The following MALRD1 variants were observed in gnomAD, a reference collection of about 807,000 sequenced individuals.
MALRD1 encodes MAM and LDL-receptor class A domain-containing protein 1.
In MALRD1, 247 loss-of-function variants were observed where a neutral mutation model predicts 242.1. The ratio of observed to expected loss-of-function variants is 1.02; its 90% CI spans 0.92 to 1.13. The LOEUF is 1.13. Among genes scored for constraint, MALRD1 ranks in the 50% most tolerant of loss-of-function variants. The probability of loss-of-function intolerance (pLI) is 0.00; values close to 1 mark genes in which losing one functional copy is unlikely to be tolerated. For synonymous variants in MALRD1, 995 were observed against 866.6 expected (o/e 1.15, Z -2.60); for missense variants, 2,989 against 2,533.1 (o/e 1.18, Z -3.86).
intron 2 of MALRD1, among the ~76,000 whole-genome samples, chr10:19,069,851 T>C (rs1033255807): frequency 6.6e-6 from 1 of 152,074 alleles, no homozygotes; most frequent in Non-Finnish European, 1.5e-5. Flanking sequence ...AATTTTATCG[T>C]ACTTATGTTA....
intron 32 of MALRD1, among the ~76,000 whole-genome samples, chr10:19,536,627 T>C (rs1834687266): frequency 6.6e-6 from 1 of 152,094 alleles, no homozygotes; most frequent in Admixed American, 6.6e-5. Context: ...ATTTGTCTGA[T>C]ATAAGTGTGC....
chr10:19,616,171 A>T (rs569671561), intron 36 of MALRD1, among the ~76,000 whole-genome samples: 186 of 152,084 alleles, frequency 1.2e-3, no homozygotes, highest in African/African-American at 4.3e-3. Flanking sequence ...ATATAATTTT[A>T]ATAATACTCA....
chr10:19,718,776 G>T (rs1219054875), intron 38 of MALRD1, among the ~76,000 whole-genome samples: 3 of 152,044 alleles, frequency 2.0e-5, no homozygotes, highest in Non-Finnish European at 4.4e-5. Context: ...TTTCTAATTT[G>T]TGATGAACCT....
chr10:19,441,384 T>C (rs3001936), intron 28 of MALRD1, among the ~76,000 whole-genome samples: 118,249 of 152,156 alleles, frequency 0.78, 46,642 homozygotes, highest in African/African-American at 0.92. Context: ...GTTGCCATTG[T>C]TTTTGGTGTT....
chr10:19,341,904 AC>A (rs1041761732), intron 24 of MALRD1, among the ~76,000 whole-genome samples: 4 of 151,816 alleles, frequency 2.6e-5, no homozygotes, highest in African/African-American at 9.6e-5. Context: ...TTCACCACCC[AC>A]TTTATCCCTC....
intron 21 of MALRD1, among the ~76,000 whole-genome samples, chr10:19,284,466 T>C (rs990286505): frequency 6.9e-6 from 1 of 144,092 alleles, no homozygotes; most frequent in African/African-American, 2.6e-5. Context: ...GTGATCTCAT[T>C]GTTCAATTCC....
Position 19,510,353 on chromosome 10 carries a change from C to T in MALRD1, c.5320+11707C>T, listed in dbSNP as rs144144917. On this transcript the variant is annotated intron_variant, in intron 31 of 39. Transcript: ENST00000454679. ...CTCAGCACAGACCCTTTACAGGTGT[C>T]GGGCTGGGGGATGGTCAGGTCTTTC... 2.4e-3 allele frequency among the ~76,000 whole-genome samples: 372 copies of T among 152,302 alleles called. 6 individuals carry two copies. The East Asian group carries it at 0.049, about 20-fold the overall frequency.
At chr10:19,674,256 T>A (rs1158437940) in intron 36 of MALRD1, among the ~76,000 whole-genome samples, 2 of 152,204 alleles carry the variant, frequency 1.3e-5, no homozygotes, top group Non-Finnish European at 2.9e-5. Flanking sequence ...AAACACATGG[T>A]TTGATAGGAT....
At chr10:19,147,662 C>T (rs1833769570) in intron 11 of MALRD1, among the ~76,000 whole-genome samples, 1 of 152,122 alleles carries the variant, frequency 6.6e-6, no homozygotes, top group Non-Finnish European at 1.5e-5. Flanking sequence ...TTGAGGTGGT[C>T]TCAGTCTGGT....
chr10:19,451,614 A>T (rs539145294), intron 29 of MALRD1, among the ~76,000 whole-genome samples: 1 of 152,152 alleles, frequency 6.6e-6, no homozygotes, highest in Non-Finnish European at 1.5e-5. Context: ...CGACTAAAAG[A>T]GCTAAACCTG....
chr10:19,376,006 C>T (rs184510771), intron 26 of MALRD1, among the ~76,000 whole-genome samples: 1 of 152,164 alleles, frequency 6.6e-6, no homozygotes, highest in Non-Finnish European at 1.5e-5. Flanking sequence ...CCTGTAGTCC[C>T]AGCTACTCAG....
At chr10:19,417,032 A>C (rs960177323) in intron 28 of MALRD1, among the ~76,000 whole-genome samples, 5 of 152,124 alleles carry the variant, frequency 3.3e-5, no homozygotes, top group African/African-American at 1.2e-4. Flanking sequence ...CCCTTCTTGG[A>C]AGCCCTTTCT....
intron 28 of MALRD1, among the ~76,000 whole-genome samples, chr10:19,418,024 C>A (rs547637351): frequency 1.3e-5 from 2 of 152,112 alleles, no homozygotes; most frequent in East Asian, 1.9e-4. Flanking sequence ...GGATTAATTT[C>A]TCTAAAGGAA....
Position 19,222,973 on chromosome 10 carries a change from C to T in MALRD1, c.2991+13293C>T, listed in dbSNP as rs533272812. Among the ~76,000 whole-genome samples, 14 of 152,192 alleles carry T rather than the reference C, an allele frequency of 9.2e-5. No homozygotes were observed. The South Asian group carries it at 1.7e-3, about 18-fold the overall frequency. ...TCCCATTCAGCAGAAAATATTGTGT[C>T]GCTATCTGTGAGAGCAAAGCGATCT... On this transcript the variant is annotated intron_variant, in intron 18 of 39. Coordinates refer to ENST00000454679, the MANE Select transcript of MALRD1 (RefSeq NM_001142308.3).
At position 19,530,431 on chromosome 10, in the gene MALRD1, T is replaced by TATATATAATATATA. The variant is rs1194863253; in HGVS notation, c.5321-745_5321-732dup. Among the ~76,000 whole-genome samples the TATATATAATATATA allele has an allele frequency of 9.0e-5, 6 of 66,746 alleles. 1 individual carries two copies. In the South Asian group the frequency reaches 2.1e-3, roughly 23 times the overall value. 43.8% of individuals were successfully genotyped at this position (66,746 alleles called of 152,430 possible). A position where few individuals can be genotyped will look rare whatever the true frequency, so the allele number is the denominator to read the frequency against. On this transcript the variant is annotated intron_variant, in intron 31 of 39. Coordinates refer to ENST00000454679, the MANE Select transcript of MALRD1 (RefSeq NM_001142308.3). Reference sequence around the variant, plus strand: ...TATTTATATAATAATAAATATATAATATATATAATATATAATATATAATAT... The same window carrying TATATATAATATATA: ...TATTTATATAATAATAAATATATAATATATATAATATATAATATATAATATATAATATATAATAT...
chr10:19,074,537 T>C (rs186659517), intron 2 of MALRD1, among the ~76,000 whole-genome samples: 2 of 152,244 alleles, frequency 1.3e-5, no homozygotes. Flanking sequence ...TGTTCTATTT[T>C]TCCATTTATT....
At chr10:19,438,741 A>T (rs1352996505) in intron 28 of MALRD1, among the ~76,000 whole-genome samples, 6 of 152,200 alleles carry the variant, frequency 3.9e-5, no homozygotes. Context: ...TTTAGTGTTC[A>T]TACAAGCTAT....
At chr10:19,311,641 C>T (rs1012358274) in intron 21 of MALRD1, among the ~76,000 whole-genome samples, 4 of 151,240 alleles carry the variant, frequency 2.6e-5, no homozygotes, top group Non-Finnish European at 5.9e-5. Context: ...ATATGTCTGT[C>T]AATATAATCA....
intron 31 of MALRD1, among the ~76,000 whole-genome samples, chr10:19,530,439 A>ATATTAAATAT (rs1834349754): frequency 1.1e-5 from 1 of 90,710 alleles, no homozygotes; most frequent in Non-Finnish European, 2.1e-5. Context: ...AATATATATA[A>ATATTAAATAT]TATATAATAT....
Sources: allele counts gnomAD v4.1 joint callset (sites outside exome capture counted in the v4.1 genomes callset), GRCh38; gene constraint gnomAD v4.1.1; transcripts MANE v1.5; gene names NCBI Gene and HGNC (gene_info 2026-07-23, HGNC 2026-07-21).